NOB1: variants seen among roughly 807,000 people sequenced by gnomAD.
The protein encoded by NOB1 is NIN1 (RPN12) binding protein 1 homolog.
Under a neutral mutation model 44.8 loss-of-function variants are expected in NOB1, and 44 were observed. That is an observed-to-expected ratio of 0.98 (90% CI 0.77 to 1.26). The LOEUF is 1.26. Among genes scored for constraint, NOB1 ranks in the 50% most tolerant of loss-of-function variants. NOB1 has a pLI of 0.00. For missense variants in NOB1, 560 were observed against 544.8 expected (o/e 1.03, Z -0.28); for synonymous variants, 238 against 218.7 (o/e 1.09, Z -0.78).
In NOB1 at chr16:69,744,995, C is replaced by T. The variant is rs1450012038; in HGVS notation, c.847G>A (p.Val283Met). ...CFKTTSDMSR[V>M]FCSHCGNKTL... ...TTGTTCCCACAGTGTGAGCAGAACA[C>T]TCGGCTCATGTCAGACGTTGTCCTG... Residue 283 changes from valine (V) to methionine (M), a missense_variant, in exon 8 of 9, where the codon GTG (valine) becomes ATG (methionine). Transcript: ENST00000268802. The T allele has an allele frequency of 1.2e-6, 2 of 1,614,060 alleles. No homozygotes were observed. The highest frequency in any genetic ancestry group is 1.3e-5 in the African/African-American group (1 of 74,928).
intron 2 of NOB1, 21 bp from the exon 3 acceptor site, chr16:69,752,392 T>C: frequency 6.2e-7 from 1 of 1,604,766 alleles, no homozygotes; most frequent in Non-Finnish European, 8.5e-7. Context: ...CAGATTTACA[T>C]CTTCAGTTAG....
intron 7 of NOB1, among the ~76,000 whole-genome samples, chr16:69,746,327 G>A (rs915902475): frequency 6.6e-6 from 1 of 152,242 alleles, no homozygotes; most frequent in Non-Finnish European, 1.5e-5. Context: ...CAGAATGGCA[G>A]ATGCCACCCT....
intron 7 of NOB1, among the ~76,000 whole-genome samples, chr16:69,745,778 A>G (rs2038425704): frequency 6.6e-6 from 1 of 152,218 alleles, no homozygotes; most frequent in Admixed American, 6.5e-5. Flanking sequence ...GCTGCGTGGA[A>G]TGGCTGGAGA....
intron 3 of NOB1, among the ~76,000 whole-genome samples, chr16:69,751,980 G>A (rs899999356): frequency 2.6e-5 from 4 of 152,010 alleles, no homozygotes; most frequent in Non-Finnish European, 4.4e-5. Flanking sequence ...CAAGAGAATC[G>A]CTTGAACCCA....
In NOB1 at chr16:69,748,253, A is replaced by C; in HGVS notation, c.803T>G (p.Leu268Trp). 1 of 1,613,906 alleles carries C rather than the reference A, an allele frequency of 6.2e-7. No homozygotes were observed. The highest frequency in any genetic ancestry group is 8.5e-7 in the Non-Finnish European group (1 of 1,179,798). ...MLIREARSYI[L>W]RCHGCFKTTS... ...ATACTTGAAACAGCCATGGCAGCGCAAGATGTAGCTCCGGGCCTCACGAAT... is the reference window on the plus strand; with the variant it reads ...ATACTTGAAACAGCCATGGCAGCGCCAGATGTAGCTCCGGGCCTCACGAAT... The change falls in exon 7 of 9, where the codon TTG becomes TGG. Residue 268 changes from leucine to tryptophan, a missense_variant. By Grantham distance (61) the Leu-to-Trp change is moderately conservative (BLOSUM62 -2). Transcript: ENST00000268802.
chr16:69,744,496 G>A (rs563169684), intron 8 of NOB1, among the ~76,000 whole-genome samples: 11 of 152,160 alleles, frequency 7.2e-5, no homozygotes, highest in East Asian at 1.9e-4. Flanking sequence ...GATTCTCTGC[G>A]TCGGCAGCTG....
intron 7 of NOB1, among the ~76,000 whole-genome samples, chr16:69,747,222 C>CAAAAAAAAAAA (rs35257586): frequency 2.5e-4 from 20 of 78,560 alleles, no homozygotes; most frequent in South Asian, 5.2e-4. Flanking sequence ...ACCCTGTCTC[C>CAAAAAAAAAAA]AAAAAAAAAA....
At chr16:69,751,007 C>T (rs546255116) in intron 3 of NOB1, among the ~76,000 whole-genome samples, 1 of 152,286 alleles carries the variant, frequency 6.6e-6, no homozygotes, top group African/African-American at 2.4e-5. Flanking sequence ...CCTAAAAACA[C>T]AATAGGAAGT....
At chr16:69,744,539 G>A (rs571090745) in intron 8 of NOB1, among the ~76,000 whole-genome samples, 43 of 151,978 alleles carry the variant, frequency 2.8e-4, no homozygotes, top group African/African-American at 1.0e-3. Context: ...CCTCTCTTCC[G>A]TGCTGTGCTT....
intron 2 of NOB1, among the ~76,000 whole-genome samples, 199 bp downstream of exon 2, chr16:69,754,395 T>A (rs2151755385): frequency 6.6e-6 from 1 of 152,322 alleles, no homozygotes; most frequent in East Asian, 1.9e-4. Flanking sequence ...CAAATTTGAA[T>A]GCTATGCCCG....
At chr16:69,744,005 C>A (rs2038407353) in intron 8 of NOB1, among the ~76,000 whole-genome samples, 1 of 152,316 alleles carries the variant, frequency 6.6e-6, no homozygotes. Context: ...ACATGATTAA[C>A]CCTGGGAAAT....
chr16:69,754,659 C>G lies in NOB1; in HGVS notation c.131G>C (p.Arg44Thr). The part of the protein sequence containing the change: ...VTEIRDKATR[R>T]RLAVLPYELR... ...CTCGTAGGGCAGGACAGCGAGCCGC[C>G]TGCGTGTGGCCTTGTCCCGAATCTC... Residue 44 changes from arginine (R) to threonine (T), a missense_variant, in exon 2 of 9, where the codon AGG becomes ACG. By Grantham distance (71) the Arg-to-Thr change is moderately conservative (BLOSUM62 -1). Coordinates refer to ENST00000268802, the MANE Select transcript of NOB1 (RefSeq NM_014062.3). The G allele has an allele frequency of 1.2e-6, 2 of 1,614,242 alleles. No homozygotes were observed. The highest frequency in any genetic ancestry group is 1.7e-6 in the Non-Finnish European group (2 of 1,180,044).
intron 2 of NOB1, among the ~76,000 whole-genome samples, 165 bp downstream of exon 2, chr16:69,754,429 G>A (rs757233194): frequency 7.9e-5 from 12 of 152,112 alleles, no homozygotes; most frequent in Non-Finnish European, 1.2e-4. Context: ...AGTTACTGGA[G>A]GACTCCAGAC....
At chr16:69,747,565 T>C (rs1139178) in intron 7 of NOB1, among the ~76,000 whole-genome samples, 42,018 of 151,998 alleles carry the variant, frequency 0.28, 6,502 homozygotes, top group East Asian at 0.41. Flanking sequence ...TATCAATTCA[T>C]GGCCAGTCTT....
chr16:69,748,716 T>G, intron 6 of NOB1: 1 of 563,462 alleles, frequency 1.8e-6, no homozygotes, highest in South Asian at 2.6e-5. Context: ...ACGTTAAACA[T>G]TTAATGTACT....
intron 3 of NOB1, among the ~76,000 whole-genome samples, chr16:69,750,320 A>T (rs1226383970): frequency 6.6e-6 from 1 of 151,950 alleles, no homozygotes; most frequent in Non-Finnish European, 1.5e-5. Flanking sequence ...CCAGTGTTTT[A>T]AAAAAATCAG....
rs763890217 is a variant in NOB1, at chr16:69,748,916, AC to A, written c.726+1del. 6.3e-7 allele frequency: 1 copy of A among 1,599,490 alleles called. No individual in the cohort carries two copies. Among genetic ancestry groups the A allele is most frequent in the Non-Finnish European group, 8.5e-7 (1 of 1,172,034 alleles). ...CACACGGCCCAGGCCCACCCTACCC[AC>A]CTGCATGGCGAAGTCTGTGGTCAGG... On this transcript the variant is annotated splice_donor_variant, in intron 6 of 8. Transcript: ENST00000268802. LOFTEE classifies it high-confidence loss of function.
chr16:69,747,580 T>C (rs1139177), intron 7 of NOB1, among the ~76,000 whole-genome samples: 129,963 of 152,008 alleles, frequency 0.85, 55,775 homozygotes, highest in Admixed American at 0.9. Flanking sequence ...AGTCTTATTT[T>C]ATCTTCACCC....
intron 3 of NOB1, among the ~76,000 whole-genome samples, chr16:69,751,991 G>A (rs996981600): frequency 1.3e-5 from 2 of 152,100 alleles, no homozygotes; most frequent in Non-Finnish European, 2.9e-5. Context: ...CTTGAACCCA[G>A]GAGGCGGAGG....
Sources: gnomAD v4.1 joint callset for allele counts (sites outside exome capture counted in the v4.1 genomes callset) on GRCh38, gnomAD v4.1.1 for gene constraint, MANE v1.5 for transcripts, NCBI Gene and HGNC (gene_info 2026-07-23, HGNC 2026-07-21) for gene names.